Variants in FBXL20 observed in about 807,000 individuals in gnomAD.
The protein encoded by FBXL20 is F-box and leucine rich repeat protein 20, also known as F-box/LRR-repeat protein 20.
Under a neutral mutation model 64.0 loss-of-function variants are expected in FBXL20, and 11 were observed. The ratio of observed to expected loss-of-function variants is 0.17; its 90% CI spans 0.11 to 0.28. The LOEUF is 0.28. Among genes scored for constraint, FBXL20 ranks in the 10% least tolerant of loss-of-function variants. The pLI, the probability that FBXL20 is intolerant of heterozygous loss-of-function variation, is 1.00. For missense variants in FBXL20, 303 were observed against 526.2 expected (o/e 0.58, Z 4.15); for synonymous variants, 184 against 189.0 (o/e 0.97, Z 0.22).
At chr17:39,311,612 C>G (rs1026508022) in intron 2 of FBXL20, among the ~76,000 whole-genome samples, 1 of 152,052 alleles carries the variant, frequency 6.6e-6, no homozygotes, top group African/African-American at 2.4e-5. Flanking sequence ...TATATACTTC[C>G]AATCTAGGTA....
intron 2 of FBXL20, among the ~76,000 whole-genome samples, chr17:39,336,655 C>T (rs1400544185): frequency 6.6e-6 from 1 of 151,982 alleles, no homozygotes; most frequent in Non-Finnish European, 1.5e-5. Flanking sequence ...GAAACCCCAT[C>T]TCTACTAAAA....
intron 2 of FBXL20, among the ~76,000 whole-genome samples, chr17:39,324,382 AGGTTC>A (rs2047390255): frequency 6.7e-6 from 1 of 149,630 alleles, no homozygotes; most frequent in African/African-American, 2.5e-5. Flanking sequence ...TCCACCTCCC[AGGTTC>A]AAGCGATTCT....
chr17:39,380,613 C>A (rs530667169), intron 1 of FBXL20, among the ~76,000 whole-genome samples: 105 of 152,264 alleles, frequency 6.9e-4, no homozygotes, highest in African/African-American at 2.4e-3. Flanking sequence ...TCCCCCCTTT[C>A]CTGCCCTTTA....
At chr17:39,365,033 A>C (rs1341338977) in intron 1 of FBXL20, among the ~76,000 whole-genome samples, 2 of 152,248 alleles carry the variant, frequency 1.3e-5, no homozygotes, top group African/African-American at 4.8e-5. Context: ...AGAAATTTAA[A>C]AAAAGAAATT....
intron 1 of FBXL20, among the ~76,000 whole-genome samples, chr17:39,394,554 G>C (rs1157808466): frequency 1.3e-5 from 2 of 149,454 alleles, no homozygotes; most frequent in East Asian, 3.9e-4. Context: ...TGAGATTACA[G>C]AATTTTTCTT....
chr17:39,400,014 T>C (rs1332888617), intron 1 of FBXL20, among the ~76,000 whole-genome samples: 1 of 152,212 alleles, frequency 6.6e-6, no homozygotes, highest in Non-Finnish European at 1.5e-5. Flanking sequence ...ACGGTACTAC[T>C]GAATACGAAA....
At chr17:39,272,991 T>C (rs976059847) in intron 10 of FBXL20, among the ~76,000 whole-genome samples, 3 of 152,152 alleles carry the variant, frequency 2.0e-5, no homozygotes, top group African/African-American at 4.8e-5. Context: ...TTTTGACCAA[T>C]AGGTGTATGT....
chr17:39,338,629 C>A (rs541532667), intron 2 of FBXL20, among the ~76,000 whole-genome samples: 23 of 152,272 alleles, frequency 1.5e-4, no homozygotes, highest in Non-Finnish European at 3.1e-4. Flanking sequence ...CTACAAAGAA[C>A]ATAATTCTGC....
chr17:39,289,964 ACTC>A (rs1470577295), intron 6 of FBXL20, among the ~76,000 whole-genome samples: 12 of 135,034 alleles, frequency 8.9e-5, no homozygotes, highest in Admixed American at 1.8e-4. Context: ...GTGCCACTGC[ACTC>A]CAGCCTGGGC....
At chr17:39,307,234 G>A (rs2047191453) in intron 2 of FBXL20, among the ~76,000 whole-genome samples, 1 of 152,148 alleles carries the variant, frequency 6.6e-6, no homozygotes, top group African/African-American at 2.4e-5. Flanking sequence ...CGGCATAGGG[G>A]CTGGAGGTAG....
chr17:39,321,780 CAAA>C (rs540775014), intron 2 of FBXL20, among the ~76,000 whole-genome samples: 2 of 83,514 alleles, frequency 2.4e-5, no homozygotes. Flanking sequence ...AATTCTGTCT[CAAA>C]AAAAAAAAAA....
chr17:39,373,717 T>G (rs1161841444), intron 1 of FBXL20, among the ~76,000 whole-genome samples: 1 of 152,220 alleles, frequency 6.6e-6, no homozygotes, highest in Non-Finnish European at 1.5e-5. Context: ...TGTTCAATTT[T>G]GTCTAGCCTA....
At position 39,379,965 on chromosome 17, in the gene FBXL20, G is replaced by A. The variant is rs1189454519; in HGVS notation, c.42+21396C>T. 2.6e-5 allele frequency among the ~76,000 whole-genome samples: 4 copies of A among 152,050 alleles called. No homozygotes were observed. The East Asian group carries it at 5.8e-4, about 22-fold the overall frequency. ...TGGCACTCCAGCCTGAGTTGACAGA[G>A]TGAGACCCTGTCTCAACAAAGAAAT... On this transcript the variant is annotated intron_variant, in intron 1 of 14. Transcript: ENST00000264658.
chr17:39,398,641 C>G (rs1392326626), intron 1 of FBXL20, among the ~76,000 whole-genome samples: 2 of 151,704 alleles, frequency 1.3e-5, no homozygotes, highest in African/African-American at 4.8e-5. Context: ...CAGGATGCTA[C>G]ACATCTGGCT....
intron 1 of FBXL20, among the ~76,000 whole-genome samples, chr17:39,392,132 G>A (rs1343199710): frequency 6.6e-6 from 1 of 151,650 alleles, no homozygotes; most frequent in Non-Finnish European, 1.5e-5. Context: ...GCGAGACTGA[G>A]AAGAAAAAAG....
At chr17:39,355,593 C>T (rs189411786) in intron 1 of FBXL20, among the ~76,000 whole-genome samples, 17 of 152,132 alleles carry the variant, frequency 1.1e-4, no homozygotes, top group Admixed American at 8.5e-4. Context: ...CGGTGGCTCA[C>T]GCCTGTAATC....
At chr17:39,382,087 C>T (rs1461582647) in intron 1 of FBXL20, among the ~76,000 whole-genome samples, 31 of 127,456 alleles carry the variant, frequency 2.4e-4, no homozygotes, top group African/African-American at 5.2e-4. Context: ...AGCGAGACTC[C>T]GTCTCAAAAA....
At position 39,260,037 on chromosome 17, in the gene FBXL20, G is replaced by C. The variant is rs1041676492; in HGVS notation, c.*1423C>G. On this transcript the variant is annotated 3_prime_UTR_variant, in exon 15 of 15. Coordinates refer to ENST00000264658, the MANE Select transcript of FBXL20 (RefSeq NM_032875.3). ...GGGCAGAAAAGAGAGATGACTGACAGGTTATGGGAAGGTTCTGGCCCTTTG... is the reference window on the plus strand; with the variant it reads ...GGGCAGAAAAGAGAGATGACTGACACGTTATGGGAAGGTTCTGGCCCTTTG... The C allele has an allele frequency of 6.7e-6, 1 of 150,172 alleles. No individual in the cohort carries two copies. The highest frequency in any genetic ancestry group is 1.5e-5 in the Non-Finnish European group (1 of 67,696). The allele number at this position is 150,172 out of a possible 1,614,324, so 9.3% of individuals were successfully genotyped here.
intron 1 of FBXL20, among the ~76,000 whole-genome samples, chr17:39,370,162 T>G (rs1439200032): frequency 1.3e-5 from 2 of 151,418 alleles, no homozygotes; most frequent in African/African-American, 4.9e-5. Context: ...AAATAATGTT[T>G]GCATGTGTCC....
Sources: gnomAD v4.1 joint callset for allele counts (sites outside exome capture counted in the v4.1 genomes callset) on GRCh38, gnomAD v4.1.1 for gene constraint, MANE v1.5 for transcripts, NCBI Gene and HGNC (gene_info 2026-07-23, HGNC 2026-07-21) for gene names.